Variants in WDR27 observed in about 807,000 individuals in gnomAD.
WDR27 encodes the protein WD repeat domain 27.
A neutral mutation model predicts 114.4 loss-of-function variants in WDR27; 100 were observed. That is an observed-to-expected ratio of 0.87 (90% confidence interval 0.74 to 1.03). The LOEUF (loss-of-function observed/expected upper bound fraction) is 1.03. Ranked by LOEUF, WDR27 falls within the 50% of genes least tolerant of loss-of-function variation. The pLI is 0.00. For synonymous variants in WDR27, 449 were observed against 423.1 expected (o/e 1.06, Z -0.75); for missense variants, 1,129 against 1,092.9 (o/e 1.03, Z -0.47).
At chr6:169,500,251 C>T (rs1212660750) in intron 25 of WDR27, among the ~76,000 whole-genome samples, 1 of 152,106 alleles carries the variant, frequency 6.6e-6, no homozygotes, top group Non-Finnish European at 1.5e-5. Flanking sequence ...GGAATACAGG[C>T]CGCTTGGAAA....
chr6:169,683,334 G>A (rs1369826674), intron 2 of WDR27, among the ~76,000 whole-genome samples: 1 of 151,998 alleles, frequency 6.6e-6, no homozygotes, highest in Non-Finnish European at 1.5e-5. Context: ...AACATACAAG[G>A]GAGACCCAAC....
chr6:169,602,513 T>C (rs1808217682), intron 22 of WDR27, among the ~76,000 whole-genome samples, 192 bp from the exon 23 acceptor site: 1 of 152,214 alleles, frequency 6.6e-6, no homozygotes, highest in East Asian at 1.9e-4. Context: ...TCAAACACTA[T>C]TCAAAATCTT....
At chr6:169,606,802 G>A (rs982321009) in intron 22 of WDR27, among the ~76,000 whole-genome samples, 1 of 152,186 alleles carries the variant, frequency 6.6e-6, no homozygotes, top group Non-Finnish European at 1.5e-5. Context: ...ATAATAGAAT[G>A]ATTTATATTC....
intron 1 of WDR27, among the ~76,000 whole-genome samples, chr6:169,700,034 G>A (rs566698601): frequency 6.6e-6 from 1 of 152,294 alleles, no homozygotes; most frequent in East Asian, 1.9e-4. Flanking sequence ...AGCAGAATCA[G>A]GGTCTAGTTG....
At chr6:169,597,799 GTTT>G (rs1807102295) in intron 23 of WDR27, among the ~76,000 whole-genome samples, 1 of 151,330 alleles carries the variant, frequency 6.6e-6, no homozygotes, top group South Asian at 2.1e-4. Context: ...AAGTTTTCAA[GTTT>G]TTATCTCTAC....
chr6:169,471,883 C>T (rs530632556), intron 25 of WDR27, among the ~76,000 whole-genome samples: 19 of 152,158 alleles, frequency 1.2e-4, no homozygotes, highest in African/African-American at 7.2e-5. Flanking sequence ...GAGGGCTGCT[C>T]GCTGCTTCCA....
intron 2 of WDR27, among the ~76,000 whole-genome samples, chr6:169,678,962 A>G (rs749786455): frequency 6.6e-6 from 1 of 152,146 alleles, no homozygotes; most frequent in South Asian, 2.1e-4. Flanking sequence ...CTCTCTCTGA[A>G]GTCTGCTATC....
chr6:169,560,239 T>C (rs1484848164), intron 25 of WDR27, among the ~76,000 whole-genome samples: 1 of 152,142 alleles, frequency 6.6e-6, no homozygotes, highest in East Asian at 1.9e-4. Flanking sequence ...TTTCTGCTTT[T>C]GCTTCTCTCT....
At chr6:169,444,143 C>A in the WDR27 span, among the ~76,000 whole-genome samples, 3 of 152,288 alleles carry the variant, frequency 2.0e-5, no homozygotes, top group East Asian at 5.8e-4. Flanking sequence ...CCCACAAGCA[C>A]AGGTGCTCTG....
chr6:169,586,313 C>A (rs1052308633), intron 23 of WDR27, among the ~76,000 whole-genome samples: 1 of 152,162 alleles, frequency 6.6e-6, no homozygotes, highest in Non-Finnish European at 1.5e-5. Context: ...GTTGATGGCC[C>A]GCATGGCTTT....
chr6:169,642,938 T>A (rs1819607952), intron 17 of WDR27, among the ~76,000 whole-genome samples: 1 of 152,228 alleles, frequency 6.6e-6, no homozygotes, highest in Non-Finnish European at 1.5e-5. Context: ...ATTTGCATTA[T>A]GGCAGGTAAG....
At chr6:169,536,034 C>A (rs1331500311) in intron 25 of WDR27, among the ~76,000 whole-genome samples, 1 of 152,098 alleles carries the variant, frequency 6.6e-6, no homozygotes, top group Non-Finnish European at 1.5e-5. Flanking sequence ...AGAAGCAAAT[C>A]CAGAAGTTGC....
intron 25 of WDR27, among the ~76,000 whole-genome samples, chr6:169,509,209 G>A (rs144042568): frequency 1.1e-4 from 17 of 152,276 alleles, no homozygotes; most frequent in African/African-American, 4.1e-4. Flanking sequence ...ACTGCCCAAC[G>A]TAATTTATAG....
In WDR27 at chr6:169,558,559, C is replaced by G. The variant is rs574644007; in HGVS notation, c.2645+13860G>C. The G allele has an allele frequency of 2.0e-5, 3 of 152,232 alleles. No homozygotes were observed. The East Asian group carries it at 5.8e-4, about 30-fold the overall frequency. The allele number at this position is 152,232 out of a possible 1,614,324, so 9.4% of individuals were successfully genotyped here. A position where few individuals can be genotyped will look rare whatever the true frequency, so the allele number is the denominator to read the frequency against. On this transcript the variant is annotated intron_variant, in intron 25 of 25. Coordinates refer to ENST00000448612, the MANE Select transcript of WDR27 (RefSeq NM_182552.5). ...GGCAGTCATCGGGATGGCGGCTCATCTGCAAATAGCCAGTGCACACCTCCA... is the reference window on the plus strand; with the variant it reads ...GGCAGTCATCGGGATGGCGGCTCATGTGCAAATAGCCAGTGCACACCTCCA...
chr6:169,534,844 C>T (rs1796034650), intron 25 of WDR27, among the ~76,000 whole-genome samples: 1 of 151,592 alleles, frequency 6.6e-6, no homozygotes, highest in African/African-American at 2.4e-5. Context: ...ATATATTCAA[C>T]ATCTGGATAT....
chr6:169,622,202 C>A (rs1405896379), intron 21 of WDR27, among the ~76,000 whole-genome samples: 1 of 152,212 alleles, frequency 6.6e-6, no homozygotes. Context: ...CAGACCGAAG[C>A]AATGTTCATC....
intron 25 of WDR27, among the ~76,000 whole-genome samples, chr6:169,540,877 G>A (rs918821322): frequency 6.6e-6 from 1 of 152,094 alleles, no homozygotes; most frequent in African/African-American, 2.4e-5. Context: ...GTTATTTCCT[G>A]GATTCTGTGC....
chr6:169,644,704 C>T (rs1031162573), intron 16 of WDR27, among the ~76,000 whole-genome samples: 25 of 146,476 alleles, frequency 1.7e-4, no homozygotes, highest in South Asian at 4.4e-4. Context: ...CTAGTTCATA[C>T]GAGTCACACT....
chr6:169,568,035 C>T (rs1189327947), intron 25 of WDR27, among the ~76,000 whole-genome samples: 1 of 152,168 alleles, frequency 6.6e-6, no homozygotes, highest in Admixed American at 6.5e-5. Flanking sequence ...AGGGAGCTGC[C>T]GAAACCGCAC....
Sources: allele counts gnomAD v4.1 joint callset (sites outside exome capture counted in the v4.1 genomes callset), GRCh38; gene constraint gnomAD v4.1.1; transcripts MANE v1.5; gene names NCBI Gene and HGNC (gene_info 2026-07-23, HGNC 2026-07-21).